The following KAZN variants were observed in gnomAD, a reference collection of about 807,000 sequenced individuals.
The protein encoded by KAZN is kazrin.
KAZN carries 40 observed loss-of-function variants against 87.4 expected under a neutral mutation model. That is an observed-to-expected ratio of 0.46 (90% CI 0.36 to 0.60). KAZN has a LOEUF of 0.60. Among genes scored for constraint, KAZN ranks in the 20% least tolerant of loss-of-function variants. KAZN has a pLI of 0.00. For missense variants in KAZN, 898 were observed against 1,073.9 expected, an observed-to-expected ratio of 0.84 and a Z score of 2.29; for synonymous variants, 466 against 458.3, an observed-to-expected ratio of 1.02 and a Z score of -0.22.
chr1:14,019,028 G>C (rs549580647), intron 1 of KAZN, among the ~76,000 whole-genome samples: 2 of 152,168 alleles, frequency 1.3e-5, no homozygotes, highest in African/African-American at 2.4e-5. Context: ...CTGTCTCTCT[G>C]GAGTCAGAAC....
At chr1:14,668,768 G>A (rs966232592) in intron 1 of KAZN, among the ~76,000 whole-genome samples, 68 of 152,280 alleles carry the variant, frequency 4.5e-4, no homozygotes, top group African/African-American at 1.6e-3. Context: ...CCCCTTCTGC[G>A]ACATGCATCT....
Position 14,821,424 on chromosome 1 carries a change from G to A in KAZN, c.227-139260G>A, listed in dbSNP as rs956334364. 5.9e-5 allele frequency among the ~76,000 whole-genome samples: 9 copies of A among 152,004 alleles called. No individual in the cohort carries two copies. The East Asian group carries it at 1.7e-3, about 29-fold the overall frequency. On this transcript the variant is annotated intron_variant, in intron 1 of 14. Coordinates refer to ENST00000376030, the MANE Select transcript of KAZN (RefSeq NM_201628.3). ...CCCAGCTACTTGGGAGGCTGAGGCA[G>A]GAGAATCGCTTGAACCCAGGAGGTG... is the stretch of plus-strand genomic sequence containing the variant.
intron 8 of KAZN, chr1:15,067,603 A>C: frequency 2.0e-6 from 2 of 985,480 alleles, no homozygotes; most frequent in Non-Finnish European, 2.4e-6. Flanking sequence ...AAAAGAAGCA[A>C]GGAGATTTTC....
intron 8 of KAZN, among the ~76,000 whole-genome samples, chr1:15,093,168 T>C (rs537687847): frequency 3.3e-5 from 5 of 152,126 alleles, no homozygotes; most frequent in Non-Finnish European, 5.9e-5. Context: ...CAGGTCTCTG[T>C]GGAGATGGAA....
chr1:14,176,987 G>A (rs752514988), intron 1 of KAZN, among the ~76,000 whole-genome samples: 2 of 152,016 alleles, frequency 1.3e-5, no homozygotes, highest in Non-Finnish European at 2.9e-5. Context: ...GTGAAACACC[G>A]TCTCTACTAA....
At chr1:14,329,102 A>T (rs1656663345) in intron 2 of KAZN, among the ~76,000 whole-genome samples, 1 of 152,166 alleles carries the variant, frequency 6.6e-6, no homozygotes. Flanking sequence ...AGGTGCTGGA[A>T]CAATGTTGTC....
upstream of KAZN, among the ~76,000 whole-genome samples, chr1:14,593,735 G>A (rs1676335071): frequency 6.6e-6 from 1 of 152,190 alleles, no homozygotes; most frequent in South Asian, 2.1e-4. Context: ...GGATGAAAAG[G>A]AATCAGATGC....
intron 1 of KAZN, among the ~76,000 whole-genome samples, chr1:13,983,908 G>A (rs890873419): frequency 3.9e-5 from 6 of 152,010 alleles, no homozygotes; most frequent in Non-Finnish European, 8.8e-5. Context: ...TGGAAAGGGG[G>A]AGGTTCTTAT....
chr1:13,905,411 C>T (rs185217954), intron 1 of KAZN, among the ~76,000 whole-genome samples: 1 of 152,182 alleles, frequency 6.6e-6, no homozygotes, highest in African/African-American at 2.4e-5. Flanking sequence ...AAATTTGAAC[C>T]CCAACTCATA....
Position 15,056,178 on chromosome 1 carries a change from C to G in KAZN, c.814C>G (p.Gln272Glu), listed in dbSNP as rs759045361. 6.2e-6 allele frequency: 10 copies of G among 1,614,194 alleles called. No homozygotes were observed. The highest frequency in any genetic ancestry group is 8.5e-6 in the Non-Finnish European group (10 of 1,180,036). Residue 272 changes from glutamine to glutamate, a missense_variant, in exon 5 of 15, where the codon CAG becomes GAG. Coordinates refer to ENST00000376030, the MANE Select transcript of KAZN (RefSeq NM_201628.3). This position sits in a 1 kb window ranked among gnomAD's most constrained non-coding sequence, Gnocchi z 5.4. ...GGGCGAGACGGTGCTCAATGGCAAC[C>G]AGGAGTGGGTGGTGCAGGCGGACCT... is the stretch of plus-strand genomic sequence containing the variant. ...MPGETVLNGN[Q>E]EWVVQADLPL...
At chr1:15,032,165 C>G (rs916547622) in intron 2 of KAZN, among the ~76,000 whole-genome samples, 1 of 150,914 alleles carries the variant, frequency 6.6e-6, no homozygotes, top group Non-Finnish European at 1.5e-5. Context: ...ATAGATTTTC[C>G]CATTGTGGAC....
intron 2 of KAZN, among the ~76,000 whole-genome samples, chr1:14,374,825 C>G (rs1660771790): frequency 6.6e-6 from 1 of 152,206 alleles, no homozygotes; most frequent in Non-Finnish European, 1.5e-5. Context: ...TGCATCAAAA[C>G]AGGCAGACAT....
At chr1:14,304,943 T>C (rs1287112396) in intron 2 of KAZN, among the ~76,000 whole-genome samples, 1 of 81,098 alleles carries the variant, frequency 1.2e-5, no homozygotes, top group African/African-American at 9.2e-5. Flanking sequence ...CCAAAGCTAG[T>C]TTTTTTTTTT....
At chr1:14,458,315 C>A (rs1229661144) in intron 2 of KAZN, among the ~76,000 whole-genome samples, 1 of 152,170 alleles carries the variant, frequency 6.6e-6, no homozygotes, top group African/African-American at 2.4e-5. Context: ...ATATTTCTAA[C>A]AACTATGAAA....
chr1:15,117,502 A>T lies in KAZN; in HGVS notation c.*2867A>T, dbSNP rs1641883819. ...ACCCCAGGCTGCAGAGGAGGGGAGAAGCCACACAACAATCTGGACCCAATA... is the reference window on the plus strand; with the variant it reads ...ACCCCAGGCTGCAGAGGAGGGGAGATGCCACACAACAATCTGGACCCAATA... On this transcript the variant is annotated 3_prime_UTR_variant, in exon 15 of 15. Coordinates refer to ENST00000376030, the MANE Select transcript of KAZN (RefSeq NM_201628.3). 6.6e-6 allele frequency: 1 copy of T among 152,404 alleles called. No individual in the cohort carries two copies. Among genetic ancestry groups the T allele is most frequent in the Non-Finnish European group, 1.5e-5 (1 of 68,284 alleles). The allele number at this position is 152,404 out of a possible 1,614,324, so 9.4% of individuals were successfully genotyped here.
chr1:15,028,945 C>T (rs1274102605), intron 2 of KAZN, among the ~76,000 whole-genome samples: 1 of 152,160 alleles, frequency 6.6e-6, no homozygotes, highest in Non-Finnish European at 1.5e-5. Context: ...TGTAAGGCAT[C>T]CCCGGCTGGG....
At chr1:14,453,642 C>G (rs749121192) in intron 2 of KAZN, among the ~76,000 whole-genome samples, 1 of 152,118 alleles carries the variant, frequency 6.6e-6, no homozygotes, top group Non-Finnish European at 1.5e-5. Flanking sequence ...TTGAGACCAG[C>G]CTGGCCAACA....
intron 2 of KAZN, among the ~76,000 whole-genome samples, chr1:14,380,839 C>T (rs1344785179): frequency 2.0e-5 from 3 of 152,072 alleles, no homozygotes; most frequent in Admixed American, 2.0e-4. Context: ...ACATCCCAAA[C>T]CTAGAGAAAG....
intron 1 of KAZN, among the ~76,000 whole-genome samples, chr1:14,928,246 C>G (rs535131935): frequency 1.3e-5 from 2 of 151,978 alleles, no homozygotes; most frequent in Admixed American, 6.6e-5. Flanking sequence ...GTCAGGAGAT[C>G]GAGACCATCC....
Sources: allele counts gnomAD v4.1 joint callset (sites outside exome capture counted in the v4.1 genomes callset), GRCh38; gene constraint gnomAD v4.1.1; non-coding constraint Gnocchi (gnomAD v3.1); transcripts MANE v1.5; gene names NCBI Gene and HGNC (gene_info 2026-07-23, HGNC 2026-07-21).